HOOK3: variants seen among roughly 807,000 people sequenced by gnomAD.
HOOK3 encodes protein Hook homolog 3.
Under a neutral mutation model 116.3 loss-of-function variants are expected in HOOK3, and 24 were observed. The ratio of observed to expected loss-of-function variants is 0.21; its 90% CI spans 0.15 to 0.29. The LOEUF (loss-of-function observed/expected upper bound fraction) is 0.29, where lower values mean the gene tolerates loss of function less well. HOOK3 is among the 10% of genes least tolerant of loss of function. HOOK3 has a pLI of 1.00. For missense variants in HOOK3, 632 were observed against 830.2 expected (o/e 0.76, Z 2.93); for synonymous variants, 275 against 283.0 (o/e 0.97, Z 0.28).
intron 7 of HOOK3, 53 bp downstream of exon 7, chr8:42,957,209 TC>T: frequency 9.1e-7 from 1 of 1,098,852 alleles, no homozygotes; most frequent in South Asian, 1.7e-5. Context: ...AGGATAAGCA[TC>T]AGATGTTAAT....
At chr8:42,905,237 C>T (rs1027234988) in intron 1 of HOOK3, among the ~76,000 whole-genome samples, 12 of 149,244 alleles carry the variant, frequency 8.0e-5, no homozygotes, top group South Asian at 2.1e-4. Context: ...TCTCACATAC[C>T]GGGAGGCATC....
rs12540987 is a variant in HOOK3, at chr8:42,990,708, A to G, written c.1532+3913A>G. On this transcript the variant is annotated intron_variant, in intron 15 of 21. Coordinates refer to ENST00000307602, the MANE Select transcript of HOOK3 (RefSeq NM_032410.4). The stretch of plus-strand genomic sequence containing the variant: ...CTGTAGAGTTGTTTGAGCTCCTTAT[A>G]TATTCTGGTTAGTCATCCCTTGTGA... Among the ~76,000 whole-genome samples the G allele has an allele frequency of 7.9e-3, 1,198 of 152,042 alleles. 9 individuals carry two copies. The highest frequency in any genetic ancestry group is 0.024 in the Admixed American group (374 of 15,270).
intron 15 of HOOK3, among the ~76,000 whole-genome samples, chr8:42,996,213 C>T (rs1809261855): frequency 6.6e-6 from 1 of 151,824 alleles, no homozygotes; most frequent in South Asian, 2.1e-4. Flanking sequence ...TAGTGAAACC[C>T]CGTCTCTACT....
chr8:42,954,058 A>G (rs1181093884), intron 6 of HOOK3, among the ~76,000 whole-genome samples: 1 of 152,222 alleles, frequency 6.6e-6, no homozygotes, highest in African/African-American at 2.4e-5. Flanking sequence ...ATACTGGCAT[A>G]TTACATAGGC....
intron 14 of HOOK3, among the ~76,000 whole-genome samples, chr8:42,984,495 T>C (rs189234619): frequency 1.1e-3 from 161 of 152,354 alleles, no homozygotes; most frequent in African/African-American, 3.2e-3. Flanking sequence ...CCAATAAGAT[T>C]TGTTGAATAA....
chr8:42,910,470 C>A (rs916857327), intron 2 of HOOK3, among the ~76,000 whole-genome samples: 1 of 152,086 alleles, frequency 6.6e-6, no homozygotes, highest in Admixed American at 6.6e-5. Flanking sequence ...GATTGAGATA[C>A]AGAACTTTCC....
rs1336574111 is a variant in HOOK3, at chr8:43,024,471, T to C, written c.*5973T>C. The C allele has an allele frequency of 5.4e-6, 1 of 186,502 alleles. No homozygotes were observed. Among genetic ancestry groups the C allele is most frequent in the African/African-American group, 2.3e-5 (1 of 42,704 alleles). The allele number at this position is 186,502 out of a possible 1,614,324, so 11.6% of individuals were successfully genotyped here. On this transcript the variant is annotated 3_prime_UTR_variant, in exon 22 of 22. Coordinates refer to ENST00000307602, the MANE Select transcript of HOOK3 (RefSeq NM_032410.4). ...TCCATTCAATAAGGATAATCTCTCT[T>C]CCTATCATTCTGTCAAAATGGCAGT...
At chr8:42,924,976 CA>C (rs540289955) in intron 2 of HOOK3, among the ~76,000 whole-genome samples, 27 of 136,260 alleles carry the variant, frequency 2.0e-4, no homozygotes, top group Admixed American at 2.9e-4. Context: ...GACTCTGTCT[CA>C]AAAAAAAAAA....
chr8:42,918,987 G>A (rs1428662640), intron 2 of HOOK3, among the ~76,000 whole-genome samples: 5 of 151,662 alleles, frequency 3.3e-5, no homozygotes, highest in African/African-American at 1.2e-4. Context: ...CTTCCCAGAC[G>A]GGGCGGCCGG....
chr8:42,961,673 C>A (rs1446234917), intron 8 of HOOK3, among the ~76,000 whole-genome samples: 2 of 152,100 alleles, frequency 1.3e-5, no homozygotes, highest in Non-Finnish European at 2.9e-5. Flanking sequence ...CAACCAAAAG[C>A]AATAAAATTA....
At chr8:42,994,682 A>T (rs1456524310) in intron 15 of HOOK3, among the ~76,000 whole-genome samples, 1 of 152,132 alleles carries the variant, frequency 6.6e-6, no homozygotes, top group Non-Finnish European at 1.5e-5. Flanking sequence ...TATTATTTCA[A>T]TTTTTTGAGT....
intron 5 of HOOK3, among the ~76,000 whole-genome samples, chr8:42,945,659 T>C (rs927642781): frequency 1.3e-5 from 2 of 152,218 alleles, no homozygotes; most frequent in Non-Finnish European, 2.9e-5. Context: ...ATTGTGTGCT[T>C]TTGTGAACTT....
intron 15 of HOOK3, among the ~76,000 whole-genome samples, chr8:42,989,897 G>A (rs1043888133): frequency 5.3e-5 from 8 of 152,144 alleles, no homozygotes; most frequent in African/African-American, 1.9e-4. Context: ...TTTCATGCAT[G>A]TTTTTGCAAA....
chr8:42,897,214 G>A, intron 1 of HOOK3, 26 bp downstream of exon 1: 2 of 1,232,774 alleles, frequency 1.6e-6, no homozygotes, highest in Non-Finnish European at 2.0e-6. Flanking sequence ...GGGCCGGCGG[G>A]AAGACCCCCT....
At chr8:42,940,264 G>A (rs989675380) in intron 4 of HOOK3, among the ~76,000 whole-genome samples, 7 of 152,366 alleles carry the variant, frequency 4.6e-5, no homozygotes, top group Admixed American at 3.3e-4. Flanking sequence ...CGGATCACTC[G>A]CGGCTAGGAG....
At chr8:42,899,036 T>G (rs981758310) in intron 1 of HOOK3, among the ~76,000 whole-genome samples, 14 of 152,218 alleles carry the variant, frequency 9.2e-5, no homozygotes, top group Non-Finnish European at 1.9e-4. Flanking sequence ...TGAATGTGTA[T>G]CTTGCATCAT....
intron 2 of HOOK3, among the ~76,000 whole-genome samples, chr8:42,917,386 C>T (rs531256277): frequency 1.3e-5 from 2 of 152,324 alleles, no homozygotes; most frequent in Admixed American, 6.5e-5. Flanking sequence ...CGGTACCTCT[C>T]CCTTTCCCTT....
chr8:42,964,481 G>T lies in HOOK3; in HGVS notation c.779+7G>T, dbSNP rs764472609. The T allele has an allele frequency of 2.5e-6, 4 of 1,607,178 alleles. No homozygotes were observed. The South Asian group carries it at 3.3e-5, about 13-fold the overall frequency. ...TCCAAGAAGAAACATTCAGGTAAAA[G>T]ACAACTCATTAAAATCTGATTTTTA... On this transcript the variant is annotated splice_region_variant and intron_variant, in intron 9 of 21. Coordinates refer to ENST00000307602, the MANE Select transcript of HOOK3 (RefSeq NM_032410.4).
intron 13 of HOOK3, among the ~76,000 whole-genome samples, chr8:42,975,201 G>A (rs1019957671): frequency 6.6e-6 from 1 of 152,182 alleles, no homozygotes; most frequent in African/African-American, 2.4e-5. Flanking sequence ...AGCCCTCAGC[G>A]CCGCCGGGCT....
Sources: allele counts gnomAD v4.1 joint callset (sites outside exome capture counted in the v4.1 genomes callset), GRCh38; gene constraint gnomAD v4.1.1; transcripts MANE v1.5; gene names NCBI Gene and HGNC (gene_info 2026-07-23, HGNC 2026-07-21).